Variants in ABCB7 observed in about 807,000 individuals in gnomAD.
The protein encoded by ABCB7 is ATP binding cassette subfamily B member 7, also known as iron-sulfur clusters transporter ABCB7, mitochondrial.
A neutral mutation model predicts 54.4 loss-of-function variants in ABCB7; 7 were observed. The ratio of observed to expected loss-of-function variants is 0.13; its 90% CI spans 0.07 to 0.24. The LOEUF (loss-of-function observed/expected upper bound fraction) is 0.24, where lower values mean the gene tolerates loss of function less well. ABCB7 is among the 10% of genes least tolerant of loss of function. The pLI, the probability that ABCB7 is intolerant of heterozygous loss-of-function variation, is 1.00. For missense variants in ABCB7, 356 were observed against 570.4 expected (o/e 0.62, Z 3.83); for synonymous variants, 218 against 207.1 (o/e 1.05, Z -0.45).
chrX:75,093,708 G>A (rs2081562617), intron 4 of ABCB7, among the ~76,000 whole-genome samples: 1 of 108,094 alleles, frequency 9.3e-6, no homozygotes, highest in Non-Finnish European at 1.9e-5. Flanking sequence ...AGAACTCTTT[G>A]TACTTATTGT....
In ABCB7 at chrX:75,071,696, T is replaced by C. The variant is rs1383723297; in HGVS notation, c.1033-13A>G. 4.7e-6 allele frequency: 5 copies of C among 1,053,465 alleles called. No individual in the cohort carries two copies. Among genetic ancestry groups the C allele is most frequent in the East Asian group, 6.6e-5 (2 of 30,275 alleles). The allele number at this position is 1,053,465 out of a possible 1,213,427, so 86.8% of individuals were successfully genotyped here. A position where few individuals can be genotyped will look rare whatever the true frequency, so the allele number is the denominator to read the frequency against. ...CATTATTAAAATACTACAAAATATATAAAAATAACTATAGGCAAGTATAAT... is the reference window on the plus strand; with the variant it reads ...CATTATTAAAATACTACAAAATATACAAAAATAACTATAGGCAAGTATAAT... On this transcript the variant is annotated splice_polypyrimidine_tract_variant and intron_variant, in intron 8 of 15. Transcript: ENST00000373394.
chrX:75,060,415 C>T, intron 14 of ABCB7, 85 bp from the exon 15 acceptor site: 2 of 758,088 alleles, frequency 2.6e-6, no homozygotes, highest in South Asian at 2.3e-5. Flanking sequence ...TCATACATTT[C>T]CTAAAGGAAC....
At chrX:75,099,152 T>C (rs2081617759) in intron 3 of ABCB7, 91 bp from the exon 4 acceptor site, 2 of 981,466 alleles carry the variant, frequency 2.0e-6, no homozygotes, top group Non-Finnish European at 2.8e-6. Flanking sequence ...ATTTGAGAAA[T>C]ACATGAAAAC....
chrX:75,083,277 C>A (rs1381523011), intron 4 of ABCB7, among the ~76,000 whole-genome samples: 1 of 111,290 alleles, frequency 9.0e-6, no homozygotes, highest in Non-Finnish European at 1.9e-5. Context: ...TACCCCACCC[C>A]CTCTAGTTGT....
At chrX:75,093,501 C>T (rs916279176) in intron 4 of ABCB7, among the ~76,000 whole-genome samples, 2 of 110,551 alleles carry the variant, frequency 1.8e-5, no homozygotes, top group South Asian at 3.8e-4. Context: ...GGTGAATACA[C>T]GACATTATAC....
chrX:75,114,726 A>C (rs371613701), intron 2 of ABCB7, 28 bp downstream of exon 2: 1 of 1,169,429 alleles, frequency 8.6e-7, no homozygotes, highest in Non-Finnish European at 1.2e-6. Flanking sequence ...TTTCCTAGCT[A>C]TATGTAGACA....
chrX:75,131,460 G>A, intron 1 of ABCB7, among the ~76,000 whole-genome samples: 1 of 110,885 alleles, frequency 9.0e-6, no homozygotes, highest in Non-Finnish European at 1.9e-5. Flanking sequence ...GCAGGGCAGT[G>A]GACGTATATA....
rs1415815035 is a variant in ABCB7, at chrX:75,112,897, G to A, written c.322C>T (p.Pro108Ser). Reference protein sequence around the residue: ...GHAGGGLHTDPKEGLKDVDTR... With the variant: ...GHAGGGLHTDSKEGLKDVDTR... ...TTACTGGCTCTTACCCCTTCTTTTGGGTCTGTGTGGAGTCCTCCTCCTGCA... is the reference window on the plus strand; with the variant it reads ...TTACTGGCTCTTACCCCTTCTTTTGAGTCTGTGTGGAGTCCTCCTCCTGCA... The change falls in exon 3 of 16, where the codon CCA (proline) becomes TCA (serine). Residue 108 changes from proline to serine, a missense_variant. Pro to Ser is a moderately conservative substitution (Grantham distance 74). Transcript: ENST00000373394. 8.3e-7 allele frequency: 1 copy of A among 1,206,107 alleles called. No homozygotes were observed. The highest frequency in any genetic ancestry group is 1.8e-5 in the African/African-American group (1 of 56,574).
Position 75,052,754 on chromosome X carries a change from G to A in ABCB7, c.*616C>T, listed in dbSNP as rs1260219061. The A allele has an allele frequency of 9.3e-6, 1 of 107,664 alleles. No individual in the cohort carries two copies. Among genetic ancestry groups the A allele is most frequent in the African/African-American group, 3.4e-5 (1 of 29,245 alleles). The allele number at this position is 107,664 out of a possible 1,213,427, so 8.9% of individuals were successfully genotyped here. On this transcript the variant is annotated 3_prime_UTR_variant, in exon 16 of 16. Transcript: ENST00000373394. ...AGATGTGCCACTGAACTCCAGCCTGGGTGACAGAATGAGAATCTGTCTCAA... is the reference window on the plus strand; with the variant it reads ...AGATGTGCCACTGAACTCCAGCCTGAGTGACAGAATGAGAATCTGTCTCAA...
chrX:75,060,599 A>C (rs1411998241), intron 14 of ABCB7, among the ~76,000 whole-genome samples: 1 of 111,792 alleles, frequency 8.9e-6, no homozygotes, highest in Non-Finnish European at 1.9e-5. Context: ...AAAATCTGGG[A>C]GAAAGTAGAT....
chrX:75,089,299 T>A (rs767037129), intron 4 of ABCB7, among the ~76,000 whole-genome samples: 3 of 112,055 alleles, frequency 2.7e-5, no homozygotes, highest in Admixed American at 9.5e-5. Flanking sequence ...AAATAATTTA[T>A]CTTTATTCTT....
At chrX:75,128,493 T>C (rs1457119517) in intron 1 of ABCB7, among the ~76,000 whole-genome samples, 9 of 111,266 alleles carry the variant, frequency 8.1e-5, no homozygotes, top group Admixed American at 3.8e-4. Context: ...AACCATGAAA[T>C]CCCTACAAGA....
At chrX:75,067,592 C>T (rs980614990) in intron 12 of ABCB7, among the ~76,000 whole-genome samples, 5 of 111,008 alleles carry the variant, frequency 4.5e-5, no homozygotes. Flanking sequence ...TCAAGCAATT[C>T]TCCTGCCTCA....
intron 3 of ABCB7, among the ~76,000 whole-genome samples, chrX:75,104,057 T>TTTTTTG (rs2081666099): frequency 1.8e-5 from 1 of 56,999 alleles, no homozygotes; most frequent in Non-Finnish European, 3.2e-5. Flanking sequence ...GTTTTTTTTT[T>TTTTTTG]TTTTTTTTTT....
chrX:75,056,094 T>C lies in ABCB7; in HGVS notation c.2044-2509A>G, dbSNP rs530032823. ...CATTACTGATATTAGGTTTGATCAATTGGTTAAGGTGACATCTACCAGTTT... is the reference window on the plus strand; with the variant it reads ...CATTACTGATATTAGGTTTGATCAACTGGTTAAGGTGACATCTACCAGTTT... On this transcript the variant is annotated intron_variant, in intron 15 of 15. Transcript: ENST00000373394. Among the ~76,000 whole-genome samples the C allele has an allele frequency of 6.3e-5, 7 of 111,951 alleles. No individual in the cohort carries two copies. The East Asian group carries it at 1.4e-3, about 22-fold the overall frequency.
intron 1 of ABCB7, among the ~76,000 whole-genome samples, chrX:75,120,531 C>T (rs1473665757): frequency 9.0e-6 from 1 of 110,503 alleles, no homozygotes; most frequent in African/African-American, 3.3e-5. Flanking sequence ...ATCACTTGAA[C>T]CTGGGAGGTG....
At chrX:75,138,152 A>ATT (rs1417209427) in intron 1 of ABCB7, among the ~76,000 whole-genome samples, 1 of 111,480 alleles carries the variant, frequency 9.0e-6, no homozygotes, top group African/African-American at 3.3e-5. Context: ...CGCATCCACC[A>ATT]GTATAACTAA....
chrX:75,153,756 G>GTATATATACA (rs10626282), intron 1 of ABCB7, among the ~76,000 whole-genome samples: 1 of 91,884 alleles, frequency 1.1e-5, no homozygotes, highest in African/African-American at 3.9e-5. Flanking sequence ...GCGTGTGTGT[G>GTATATATACA]TGTGTATATA....
intron 13 of ABCB7, among the ~76,000 whole-genome samples, chrX:75,063,863 C>A (rs2081298897): frequency 1.8e-5 from 2 of 111,568 alleles, no homozygotes; most frequent in Admixed American, 9.6e-5. Context: ...CTATTCCTAT[C>A]CCTCAAAGGC....
Sources: allele counts gnomAD v4.1 joint callset (sites outside exome capture counted in the v4.1 genomes callset), GRCh38; gene constraint gnomAD v4.1.1; transcripts MANE v1.5; gene names NCBI Gene and HGNC (gene_info 2026-07-23, HGNC 2026-07-21).